Variants in HS6ST2 observed in about 807,000 individuals in gnomAD.
HS6ST2 encodes heparan sulfate 6-O-sulfotransferase 2.
HS6ST2 carries 17 observed loss-of-function variants against 33.0 expected under a neutral mutation model. The ratio of observed to expected loss-of-function variants is 0.52; its 90% CI spans 0.35 to 0.77. The LOEUF (loss-of-function observed/expected upper bound fraction) is 0.77, where lower values mean the gene tolerates loss of function less well. HS6ST2 is among the 30% of genes least tolerant of loss of function. The probability of loss-of-function intolerance (pLI) is 0.01; values close to 1 mark genes in which losing one functional copy is unlikely to be tolerated. For synonymous variants in HS6ST2, 248 were observed against 237.1 expected (o/e 1.05, Z -0.42); for missense variants, 519 against 551.7 (o/e 0.94, Z 0.59).
intron 2 of HS6ST2, among the ~76,000 whole-genome samples, chrX:132,864,548 GA>G (rs1426241893): frequency 6.7e-5 from 7 of 105,189 alleles, no homozygotes; most frequent in African/African-American, 1.7e-4. Context: ...GACAAGATTG[GA>G]AAAAAAAAGA....
chrX:132,694,056 T>C (rs1389994664), intron 3 of HS6ST2, among the ~76,000 whole-genome samples: 1 of 112,283 alleles, frequency 8.9e-6, no homozygotes, highest in East Asian at 2.8e-4. Flanking sequence ...ATAAGACTCG[T>C]GCCCTCATCC....
At chrX:132,778,546 C>T (rs945427422) in intron 2 of HS6ST2, among the ~76,000 whole-genome samples, 3 of 100,901 alleles carry the variant, frequency 3.0e-5, no homozygotes, top group African/African-American at 1.1e-4. Flanking sequence ...ATTACAGGTG[C>T]GTGCCACCAC....
chrX:132,759,317 A>G (rs1002338441), intron 2 of HS6ST2, among the ~76,000 whole-genome samples: 2 of 111,930 alleles, frequency 1.8e-5, no homozygotes, highest in African/African-American at 6.5e-5. Flanking sequence ...GAATGAGACT[A>G]TATCACTTCT....
At chrX:132,955,470 A>G (rs901606587) in intron 2 of HS6ST2, among the ~76,000 whole-genome samples, 2 of 112,067 alleles carry the variant, frequency 1.8e-5, no homozygotes, top group African/African-American at 6.5e-5. Flanking sequence ...CTAGGGCTCT[A>G]TTTGCTGCAG....
chrX:132,911,707 G>A (rs1279154612), intron 2 of HS6ST2, among the ~76,000 whole-genome samples: 5 of 94,388 alleles, frequency 5.3e-5, no homozygotes, highest in African/African-American at 1.3e-4. Context: ...GGCCCATCTC[G>A]GCTCACTGCA....
chrX:132,639,144 T>C (rs1016999899), intron 4 of HS6ST2, among the ~76,000 whole-genome samples: 7 of 112,474 alleles, frequency 6.2e-5, no homozygotes, highest in Non-Finnish European at 1.9e-5. Context: ...GTGGAATTCT[T>C]CACACAATGA....
chrX:132,762,026 G>A (rs1050410523), intron 2 of HS6ST2, among the ~76,000 whole-genome samples: 4 of 111,869 alleles, frequency 3.6e-5, no homozygotes, highest in Admixed American at 1.9e-4. Flanking sequence ...AATAGCTGGC[G>A]CATGATGAGC....
chrX:132,928,214 C>T (rs774364330), intron 2 of HS6ST2, among the ~76,000 whole-genome samples: 8 of 108,014 alleles, frequency 7.4e-5, no homozygotes, highest in Non-Finnish European at 1.5e-4. Flanking sequence ...TGGGTTCAAG[C>T]GATTCTCCTG....
intron 2 of HS6ST2, among the ~76,000 whole-genome samples, chrX:132,729,359 A>G (rs752262982): frequency 8.9e-6 from 1 of 112,199 alleles, no homozygotes; most frequent in Admixed American, 9.4e-5. Flanking sequence ...GTGAGAGAAG[A>G]GCTGCCATTC....
At chrX:132,955,715 C>T (rs1242967601) in intron 2 of HS6ST2, among the ~76,000 whole-genome samples, 1 of 112,075 alleles carries the variant, frequency 8.9e-6, no homozygotes, top group African/African-American at 3.2e-5. Context: ...GTAGCCCTGG[C>T]TGGACTAACT....
rs368946534 is a variant in HS6ST2, at chrX:132,628,754, C to G, written c.1407G>C (p.Ala469=). ...GCTGAAACTCAGTGAGGCCGAAGAACGCCATGTGCTTCAGATTTGACTTGG... is the reference window on the plus strand; with the variant it reads ...GCTGAAACTCAGTGAGGCCGAAGAAGGCCATGTGCTTCAGATTTGACTTGG... ...ESAKSNLKHM[A]FFGLTEFQRK... Residue 469 remains alanine (A), a synonymous_variant, in exon 5 of 5, where the codon GCG becomes GCC. Transcript: ENST00000370833. 5.8e-6 allele frequency: 7 copies of G among 1,210,046 alleles called. No homozygotes were observed.
At chrX:132,775,398 C>T (rs764904235) in intron 2 of HS6ST2, among the ~76,000 whole-genome samples, 10 of 111,528 alleles carry the variant, frequency 9.0e-5, no homozygotes, top group Admixed American at 1.9e-4. Flanking sequence ...TATGGTTTGC[C>T]GCTCTTCCTC....
chrX:132,629,329 GA>G (rs1487756270), intron 4 of HS6ST2, among the ~76,000 whole-genome samples: 4 of 111,901 alleles, frequency 3.6e-5, no homozygotes, highest in Admixed American at 9.5e-5. Context: ...AAACAGGTAT[GA>G]AAAGGTTAGA....
intron 2 of HS6ST2, among the ~76,000 whole-genome samples, chrX:132,797,681 G>A (rs2065195357): frequency 9.0e-6 from 1 of 110,673 alleles, no homozygotes; most frequent in Non-Finnish European, 1.9e-5. Flanking sequence ...TCTGAGTATT[G>A]ATCTAGTTGA....
chrX:132,897,320 C>T (rs766508853), intron 2 of HS6ST2, among the ~76,000 whole-genome samples: 1 of 110,307 alleles, frequency 9.1e-6, no homozygotes, highest in African/African-American at 3.3e-5. Context: ...TAAATAATGC[C>T]GAGATTGATT....
At position 132,628,693 on chromosome X, in the gene HS6ST2, T is replaced by C. The variant is rs748039900; in HGVS notation, c.1468A>G (p.Met490Val). ...TQYLFEKTFNMNFISPFTQYN... is the reference protein window; with the variant it reads ...TQYLFEKTFNVNFISPFTQYN... Reference sequence around the variant, plus strand: ...TGGGTAAATGGCGAAATAAAGTTCATGTTGAAGGTTTTCTCAAACAGATAT... The same window carrying C: ...TGGGTAAATGGCGAAATAAAGTTCACGTTGAAGGTTTTCTCAAACAGATAT... The change falls in exon 5 of 5, where the codon ATG (methionine) becomes GTG (valine). Residue 490 changes from methionine to valine, a missense_variant. Met to Val is a conservative substitution (Grantham distance 21). Transcript: ENST00000370833. 7.4e-6 allele frequency: 9 copies of C among 1,211,395 alleles called. No individual in the cohort carries two copies. In the South Asian group the frequency reaches 1.6e-4, roughly 21 times the overall value.
intron 4 of HS6ST2, among the ~76,000 whole-genome samples, chrX:132,651,975 C>T (rs187315893): frequency 4.5e-5 from 5 of 111,913 alleles, no homozygotes; most frequent in Non-Finnish European, 9.4e-5. Context: ...ACCTGTTATG[C>T]GCAGGCAAAC....
Position 132,628,623 on chromosome X carries a change from A to G in HS6ST2, c.1538T>C (p.Ile513Thr), listed in dbSNP as rs1190798652. The G allele has an allele frequency of 1.2e-5, 14 of 1,209,180 alleles. No homozygotes were observed. The South Asian group carries it at 1.6e-4, about 14-fold the overall frequency. Residue 513 changes from isoleucine to threonine, a missense_variant, in exon 5 of 5, where the codon ATT becomes ACT. Ile to Thr is a moderately conservative substitution (Grantham distance 89). Coordinates refer to ENST00000370833, the MANE Select transcript of HS6ST2 (RefSeq NM_001394073.1). ...RASSVEINEEIQKRIEGLNFL... is the reference protein window; with the variant it reads ...RASSVEINEETQKRIEGLNFL... Reference sequence around the variant, plus strand: ...ATTCAGTCCCTCAATACGCTTTTGAATTTCCTCATTGATCTCTACACTAGA... The same window carrying G: ...ATTCAGTCCCTCAATACGCTTTTGAGTTTCCTCATTGATCTCTACACTAGA...
At chrX:132,654,693 G>C (rs2063718364) in intron 4 of HS6ST2, among the ~76,000 whole-genome samples, 2 of 111,961 alleles carry the variant, frequency 1.8e-5, no homozygotes, top group African/African-American at 6.5e-5. Flanking sequence ...TTTCTGGCAT[G>C]TGTTGTATAC....
Sources: allele counts gnomAD v4.1 joint callset (sites outside exome capture counted in the v4.1 genomes callset), GRCh38; gene constraint gnomAD v4.1.1; transcripts MANE v1.5; gene names NCBI Gene and HGNC (gene_info 2026-07-23, HGNC 2026-07-21).